Variants in QTMAN observed in about 807,000 individuals in gnomAD.
QTMAN encodes tRNA-queuosine alpha-mannosyltransferase.
the QTMAN span, among the ~76,000 whole-genome samples, chr2:144,004,025 C>T: frequency 6.6e-6 from 1 of 151,988 alleles, no homozygotes; most frequent in African/African-American, 2.4e-5. Flanking sequence ...CCAAATTGCC[C>T]TCTCCAGTGT....
chr2:143,987,565 G>A, the QTMAN span, among the ~76,000 whole-genome samples: 2 of 152,174 alleles, frequency 1.3e-5, no homozygotes, highest in African/African-American at 4.8e-5. Flanking sequence ...AGTTCTCTGA[G>A]GCAGAAGTCT....
At chr2:144,100,344 C>T in the QTMAN span, among the ~76,000 whole-genome samples, 1 of 152,186 alleles carries the variant, frequency 6.6e-6, no homozygotes. Flanking sequence ...AAATGACTCA[C>T]CAAGTTTTCT....
chr2:144,066,007 A>C, the QTMAN span, among the ~76,000 whole-genome samples: 1 of 152,048 alleles, frequency 6.6e-6, no homozygotes, highest in African/African-American at 2.4e-5. Context: ...CTCAAGTTTA[A>C]AGTTAGGGGA....
At chr2:143,967,027 T>C in the QTMAN span, among the ~76,000 whole-genome samples, 1 of 152,348 alleles carries the variant, frequency 6.6e-6, no homozygotes, top group Admixed American at 6.5e-5. Context: ...TTTCCAATCC[T>C]TCTGGCTTGT....
At chr2:144,012,921 G>A in the QTMAN span, among the ~76,000 whole-genome samples, 1 of 152,036 alleles carries the variant, frequency 6.6e-6, no homozygotes, top group South Asian at 2.1e-4. Flanking sequence ...GGCAGACAAG[G>A]AGAGAGGGAG....
the QTMAN span, among the ~76,000 whole-genome samples, chr2:144,075,144 A>T: frequency 6.6e-6 from 1 of 152,226 alleles, no homozygotes; most frequent in Non-Finnish European, 1.5e-5. Context: ...AAAAAATTCT[A>T]CATGAAACTT....
At chr2:144,256,874 T>TA in the QTMAN span, among the ~76,000 whole-genome samples, 54 of 146,912 alleles carry the variant, frequency 3.7e-4, no homozygotes, top group Middle Eastern at 6.9e-3. Flanking sequence ...AACTTAAAGT[T>TA]AAAAAAAAAA....
At chr2:144,217,195 A>G in the QTMAN span, among the ~76,000 whole-genome samples, 2 of 152,072 alleles carry the variant, frequency 1.3e-5, no homozygotes, top group Non-Finnish European at 2.9e-5. Flanking sequence ...AGGTGCAAGG[A>G]GTGCTGATAC....
At chr2:143,970,394 A>C in the QTMAN span, among the ~76,000 whole-genome samples, 18 of 152,258 alleles carry the variant, frequency 1.2e-4, no homozygotes, top group Non-Finnish European at 2.1e-4. Context: ...TGCCTAAAGC[A>C]ATATATTTTA....
chr2:143,958,190 A>T, the QTMAN span, among the ~76,000 whole-genome samples: 1 of 152,162 alleles, frequency 6.6e-6, no homozygotes, highest in Admixed American at 6.6e-5. Context: ...GAAATCTGAA[A>T]TAAATATTTC....
At chr2:144,131,389 C>T in the QTMAN span, among the ~76,000 whole-genome samples, 1 of 151,866 alleles carries the variant, frequency 6.6e-6, no homozygotes. Flanking sequence ...TGTGCTTCCT[C>T]CTTTTCATTG....
At chr2:144,233,997 A>G in the QTMAN span, among the ~76,000 whole-genome samples, 36 of 152,104 alleles carry the variant, frequency 2.4e-4, no homozygotes, top group Admixed American at 2.4e-3. Flanking sequence ...GCAGACCATA[A>G]AATCCAGGCC....
the QTMAN span, among the ~76,000 whole-genome samples, chr2:144,187,576 T>C: frequency 3.9e-5 from 6 of 152,190 alleles, no homozygotes; most frequent in Non-Finnish European, 7.3e-5. Flanking sequence ...AATTGCCTTA[T>C]TGACAAACTG....
the QTMAN span, chr2:144,208,904 A>C: frequency 1.6e-6 from 1 of 632,212 alleles, no homozygotes; most frequent in Non-Finnish European, 2.5e-6. Flanking sequence ...AATACAAATA[A>C]TTTAGCAATG....
the QTMAN span, among the ~76,000 whole-genome samples, chr2:144,317,114 G>A: frequency 1.3e-5 from 2 of 152,112 alleles, no homozygotes; most frequent in Non-Finnish European, 2.9e-5. Context: ...AAAATAGAGT[G>A]TTCATCTATG....
chr2:144,210,168 C>T, the QTMAN span, among the ~76,000 whole-genome samples: 2 of 152,090 alleles, frequency 1.3e-5, no homozygotes, highest in African/African-American at 4.8e-5. Context: ...CAAGGACATA[C>T]ATGTTTGAAC....
the QTMAN span, among the ~76,000 whole-genome samples, chr2:144,064,036 A>G: frequency 1.1e-4 from 16 of 152,210 alleles, 1 homozygote; most frequent in Admixed American, 8.5e-4. Flanking sequence ...ATTCAGTAAA[A>G]GAGTCCCTTT....
chr2:144,201,901 C>G, the QTMAN span, among the ~76,000 whole-genome samples: 1 of 152,070 alleles, frequency 6.6e-6, no homozygotes, highest in Non-Finnish European at 1.5e-5. Context: ...GAAAACATAG[C>G]AGAGACTTTA....
At chr2:144,235,733 G>C in the QTMAN span, 1 of 152,598 alleles carries the variant, frequency 6.6e-6, no homozygotes, top group South Asian at 2.1e-4. Flanking sequence ...CTAATGCAGA[G>C]ATACCTGTAA....
Sources: gnomAD v4.1 joint callset for allele counts (sites outside exome capture counted in the v4.1 genomes callset) on GRCh38, gnomAD v4.1.1 for gene constraint, MANE v1.5 for transcripts, NCBI Gene and HGNC (gene_info 2026-07-23, HGNC 2026-07-21) for gene names.